The following CSMD1 variants were observed in gnomAD, a reference collection of about 807,000 sequenced individuals.
CSMD1 encodes CUB and sushi domain-containing protein 1.
In CSMD1, 213 loss-of-function variants were observed where a neutral mutation model predicts 417.5. That is an observed-to-expected ratio of 0.51 (90% CI 0.46 to 0.57). CSMD1 has a LOEUF of 0.57. Among genes scored for constraint, CSMD1 ranks in the 20% least tolerant of loss-of-function variants. The probability of loss-of-function intolerance (pLI) is 0.00; values close to 1 mark genes in which losing one functional copy is unlikely to be tolerated. For missense variants in CSMD1, 6,923 were observed against 4,529.7 expected, an observed-to-expected ratio of 1.53 and a Z score of -15.17; for synonymous variants, 2,862 against 1,736.8, an observed-to-expected ratio of 1.65 and a Z score of -16.11.
rs1204793075 is a variant in CSMD1, at chr8:4,994,360, C to T, written c.57G>A (p.Leu19=). The change falls in exon 1 of 70, where the codon CTG becomes CTA. Residue 19 remains leucine (L), a synonymous_variant. Transcript: ENST00000635120. ...TCGCTGCAGTGAGGAGCCTCGCGCACAGCACCAGCAGCCCGAGAAGCAGGA... is the reference window on the plus strand; with the variant it reads ...TCGCTGCAGTGAGGAGCCTCGCGCATAGCACCAGCAGCCCGAGAAGCAGGA... ...SLLLLLGLLV[L]CARLLTAAKG... 1.9e-6 allele frequency: 3 copies of T among 1,611,696 alleles called. No homozygotes were observed. The highest frequency in any genetic ancestry group is 2.7e-5 in the African/African-American group (2 of 74,946).
intron 2 of CSMD1, among the ~76,000 whole-genome samples, chr8:4,619,154 G>A (rs1801635357): frequency 6.6e-6 from 1 of 152,072 alleles, no homozygotes; most frequent in South Asian, 2.1e-4. Flanking sequence ...AGAAAGAAAT[G>A]AACGTTTATC....
chr8:3,767,381 C>T (rs1353669582), intron 5 of CSMD1, among the ~76,000 whole-genome samples: 1 of 152,214 alleles, frequency 6.6e-6, no homozygotes, highest in South Asian at 2.1e-4. Flanking sequence ...TGGGTGACCT[C>T]AGGCCTTTAC....
intron 1 of CSMD1, among the ~76,000 whole-genome samples, chr8:4,874,143 T>C (rs1233252623): frequency 1.2e-4 from 19 of 152,064 alleles, no homozygotes; most frequent in Admixed American, 1.2e-3. Flanking sequence ...GATAACTTTA[T>C]CTTTTTCAAA....
At chr8:4,922,012 T>C (rs373446612) in intron 1 of CSMD1, among the ~76,000 whole-genome samples, 1 of 152,178 alleles carries the variant, frequency 6.6e-6, no homozygotes, top group African/African-American at 2.4e-5. Flanking sequence ...TTCCTTCCTA[T>C]GAAAAGCCTT....
intron 3 of CSMD1, among the ~76,000 whole-genome samples, chr8:4,374,536 G>T (rs933505167): frequency 6.6e-6 from 1 of 152,096 alleles, no homozygotes; most frequent in African/African-American, 2.4e-5. Flanking sequence ...GAAGAGGCTG[G>T]TCAGTCCCAC....
intron 3 of CSMD1, among the ~76,000 whole-genome samples, chr8:4,194,001 C>T (rs73658457): frequency 0.028 from 4,253 of 152,094 alleles, 230 homozygotes; most frequent in African/African-American, 0.097. Flanking sequence ...TATATATCCC[C>T]TTCATAATGT....
intron 46 of CSMD1, among the ~76,000 whole-genome samples, chr8:3,099,609 T>C (rs1815586553): frequency 1.3e-5 from 2 of 152,180 alleles, no homozygotes; most frequent in South Asian, 4.1e-4. Flanking sequence ...AGTTATCAGT[T>C]GACATTGGAA....
At chr8:4,728,977 T>C (rs1809663274) in intron 1 of CSMD1, among the ~76,000 whole-genome samples, 1 of 152,158 alleles carries the variant, frequency 6.6e-6, no homozygotes, top group South Asian at 2.1e-4. Context: ...AGCTGCATTT[T>C]AGAGGAGGGA....
intron 1 of CSMD1, among the ~76,000 whole-genome samples, chr8:4,673,862 G>T (rs1049034039): frequency 3.3e-5 from 5 of 152,132 alleles, no homozygotes; most frequent in African/African-American, 1.2e-4. Context: ...GCCCGTGATG[G>T]AAGTGAGGGG....
intron 12 of CSMD1, among the ~76,000 whole-genome samples, chr8:3,461,299 A>G (rs914422190): frequency 6.6e-6 from 1 of 152,142 alleles, no homozygotes; most frequent in African/African-American, 2.4e-5. Context: ...GCTGGATAGA[A>G]TGAGGGAATG....
chr8:3,343,180 A>G (rs1474915944), intron 23 of CSMD1, 114 bp downstream of exon 23: 7 of 878,306 alleles, frequency 8.0e-6, no homozygotes, highest in Non-Finnish European at 1.2e-5. Flanking sequence ...ACTGCAATCA[A>G]AAACACAGTA....
In CSMD1 at chr8:4,719,315, G is replaced by C. The variant is rs558443397; in HGVS notation, c.86-81757C>G. ...ATAAATGAAGCCTAATAAGAAATAAGGGTTTTCTAATCTATTTCCTTCTCT... is the reference window on the plus strand; with the variant it reads ...ATAAATGAAGCCTAATAAGAAATAACGGTTTTCTAATCTATTTCCTTCTCT... On this transcript the variant is annotated intron_variant, in intron 1 of 69. Transcript: ENST00000635120. Among the ~76,000 whole-genome samples, 5 of 152,250 alleles carry C rather than the reference G, an allele frequency of 3.3e-5. No individual in the cohort carries two copies. In the South Asian group the frequency reaches 8.3e-4, roughly 25 times the overall value.
intron 5 of CSMD1, among the ~76,000 whole-genome samples, chr8:3,948,957 G>C (rs1811424204): frequency 6.6e-6 from 1 of 152,036 alleles, no homozygotes; most frequent in African/African-American, 2.4e-5. Flanking sequence ...TGGGCTACTG[G>C]AAAATATTTA....
chr8:4,531,552 T>G (rs1222507940), intron 2 of CSMD1, among the ~76,000 whole-genome samples: 3 of 152,148 alleles, frequency 2.0e-5, no homozygotes, highest in African/African-American at 7.2e-5. Flanking sequence ...TGTAACTACA[T>G]GTTAAAGTGT....
chr8:3,154,437 G>C (rs898236067), intron 39 of CSMD1, among the ~76,000 whole-genome samples: 1 of 152,196 alleles, frequency 6.6e-6, no homozygotes, highest in African/African-American at 2.4e-5. Context: ...AGAGTTATTG[G>C]TAAATGTGGT....
At chr8:4,841,916 A>AC (rs1295174619) in intron 1 of CSMD1, among the ~76,000 whole-genome samples, 39 of 140,518 alleles carry the variant, frequency 2.8e-4, no homozygotes, top group South Asian at 2.6e-3. Context: ...CGTCTCAAAA[A>AC]AAAAAAAAAA....
chr8:4,465,926 A>T (rs1481119370), intron 2 of CSMD1, among the ~76,000 whole-genome samples: 1 of 152,200 alleles, frequency 6.6e-6, no homozygotes, highest in Non-Finnish European at 1.5e-5. Context: ...GAAGAAGGAA[A>T]AGTCAGTAGA....
chr8:3,956,649 G>C (rs982606844), intron 5 of CSMD1, among the ~76,000 whole-genome samples: 1 of 151,980 alleles, frequency 6.6e-6, no homozygotes, highest in Non-Finnish European at 1.5e-5. Context: ...TTCATTTTTG[G>C]ATAAGACGAC....
intron 63 of CSMD1, among the ~76,000 whole-genome samples, chr8:2,956,173 G>C (rs1477009443): frequency 1.3e-5 from 2 of 151,966 alleles, no homozygotes; most frequent in Non-Finnish European, 1.5e-5. Flanking sequence ...AAATTATAGA[G>C]ACTGGTGAAT....
Sources: allele counts gnomAD v4.1 joint callset (sites outside exome capture counted in the v4.1 genomes callset), GRCh38; gene constraint gnomAD v4.1.1; transcripts MANE v1.5; gene names NCBI Gene and HGNC (gene_info 2026-07-23, HGNC 2026-07-21).